The following SLC30A8 variants were observed in gnomAD, a reference collection of about 807,000 sequenced individuals.
The protein encoded by SLC30A8 is solute carrier family 30 member 8.
A neutral mutation model predicts 36.9 loss-of-function variants in SLC30A8; 27 were observed. The observed-to-expected ratio is 0.73, with a 90% CI of 0.54 to 1.01. SLC30A8 has a LOEUF of 1.01. SLC30A8 is among the 50% of genes least tolerant of loss of function. The probability of loss-of-function intolerance (pLI) is 0.00; values close to 1 mark genes in which losing one functional copy is unlikely to be tolerated. For missense variants in SLC30A8, 439 were observed against 452.0 expected (o/e 0.97, Z 0.26); for synonymous variants, 164 against 172.4 (o/e 0.95, Z 0.38).
chr8:116,991,864 G>T (rs548267417), intron 1 of SLC30A8, among the ~76,000 whole-genome samples: 82 of 152,230 alleles, frequency 5.4e-4, no homozygotes, highest in African/African-American at 1.8e-3. Context: ...CACTGCTAAT[G>T]CGGAAAAAGA....
At chr8:116,992,687 CCAAA>C (rs146825656) in intron 1 of SLC30A8, among the ~76,000 whole-genome samples, 8,203 of 152,042 alleles carry the variant, frequency 0.054, 715 homozygotes, top group African/African-American at 0.19. Context: ...AGTTCAGAAA[CCAAA>C]CAGAGAGAGG....
intron 2 of SLC30A8, among the ~76,000 whole-genome samples, chr8:117,115,401 CT>C (rs1820403931): frequency 1.3e-5 from 2 of 152,032 alleles, no homozygotes; most frequent in Non-Finnish European, 2.9e-5. Flanking sequence ...TTCTTTGTTC[CT>C]TTTTGGGGTA....
chr8:117,058,106 A>C (rs1452636297), intron 2 of SLC30A8, among the ~76,000 whole-genome samples: 1 of 152,058 alleles, frequency 6.6e-6, no homozygotes, highest in Non-Finnish European at 1.5e-5. Context: ...AAGATATCTC[A>C]TTGTGGTTTT....
intron 1 of SLC30A8, among the ~76,000 whole-genome samples, chr8:117,010,519 A>C (rs1053464588): frequency 6.6e-6 from 1 of 152,232 alleles, no homozygotes; most frequent in Non-Finnish European, 1.5e-5. Context: ...AACGGTCGAA[A>C]AGCATTGTTA....
chr8:117,122,283 GGT>G, intron 2 of SLC30A8, among the ~76,000 whole-genome samples: 1 of 151,986 alleles, frequency 6.6e-6, no homozygotes, highest in Non-Finnish European at 1.5e-5. Context: ...TTTAATAATA[GGT>G]GACATGTCTT....
At chr8:116,978,466 C>G (rs1815132661) in intron 1 of SLC30A8, among the ~76,000 whole-genome samples, 1 of 64,326 alleles carries the variant, frequency 1.6e-5, no homozygotes, top group Non-Finnish European at 3.2e-5. Context: ...TTTATATAGT[C>G]TTTTCTTGGC....
chr8:117,041,561 G>C (rs1365016701), intron 2 of SLC30A8, among the ~76,000 whole-genome samples: 1 of 152,048 alleles, frequency 6.6e-6, no homozygotes, highest in Non-Finnish European at 1.5e-5. Context: ...GTGGTGGTGG[G>C]CACCTGTAAT....
chr8:116,996,242 T>G (rs574810798), intron 1 of SLC30A8, among the ~76,000 whole-genome samples: 9 of 152,142 alleles, frequency 5.9e-5, no homozygotes, highest in Non-Finnish European at 1.2e-4. Flanking sequence ...TGTCCAAAGC[T>G]CTCTTCTTAT....
chr8:117,111,684 A>G (rs750825056), intron 2 of SLC30A8, among the ~76,000 whole-genome samples: 3 of 152,028 alleles, frequency 2.0e-5, no homozygotes, highest in Non-Finnish European at 4.4e-5. Context: ...CAAAGCTACT[A>G]CAATATAGGT....
intron 1 of SLC30A8, among the ~76,000 whole-genome samples, chr8:116,994,412 TGGAAA>T (rs1815748116): frequency 6.6e-6 from 1 of 151,960 alleles, no homozygotes; most frequent in African/African-American, 2.4e-5. Flanking sequence ...CAGTGTCAAA[TGGAAA>T]AACAAATTGT....
intron 2 of SLC30A8, among the ~76,000 whole-genome samples, chr8:117,067,711 T>G (rs1046963129): frequency 5.3e-5 from 8 of 152,338 alleles, no homozygotes; most frequent in Admixed American, 5.2e-4. Flanking sequence ...GGAGTAATCA[T>G]TTTTAACTTT....
chr8:117,139,617 C>A (rs1018984862), intron 1 of SLC30A8, among the ~76,000 whole-genome samples: 7 of 151,876 alleles, frequency 4.6e-5, no homozygotes, highest in Admixed American at 2.0e-4. Context: ...TTATTGAAAA[C>A]CATAGAGCAA....
intron 1 of SLC30A8, among the ~76,000 whole-genome samples, chr8:117,028,212 C>A (rs1471891100): frequency 6.6e-6 from 1 of 152,128 alleles, no homozygotes; most frequent in East Asian, 1.9e-4. Context: ...ATATCACAAT[C>A]ACTTATACTT....
intron 3 of SLC30A8, among the ~76,000 whole-genome samples, chr8:117,156,519 G>A (rs969584106): frequency 1.3e-5 from 2 of 152,202 alleles, no homozygotes; most frequent in East Asian, 1.9e-4. Flanking sequence ...GGCCATATAC[G>A]TCTGACACTT....
chr8:117,026,959 G>A (rs1250757281), intron 1 of SLC30A8, among the ~76,000 whole-genome samples: 5 of 151,984 alleles, frequency 3.3e-5, no homozygotes, highest in African/African-American at 4.8e-5. Context: ...TCCATGGTCC[G>A]GGCGCCACTA....
At chr8:117,107,558 C>T (rs1175951760) in intron 2 of SLC30A8, among the ~76,000 whole-genome samples, 5 of 152,108 alleles carry the variant, frequency 3.3e-5, no homozygotes, top group East Asian at 1.9e-4. Context: ...GGGAAGGAGA[C>T]GATACTATCT....
At chr8:116,956,224 C>T (rs1469294770) in intron 1 of SLC30A8, among the ~76,000 whole-genome samples, 5 of 152,078 alleles carry the variant, frequency 3.3e-5, no homozygotes, top group Non-Finnish European at 7.4e-5. Context: ...ATAAAGTGTG[C>T]TTTGAGTAAA....
At chr8:117,166,621 C>G (rs1224274848) in intron 6 of SLC30A8, among the ~76,000 whole-genome samples, 1 of 152,162 alleles carries the variant, frequency 6.6e-6, no homozygotes, top group African/African-American at 2.4e-5. Context: ...GACAACACTT[C>G]AGGAACCACT....
intron 2 of SLC30A8, among the ~76,000 whole-genome samples, chr8:117,090,056 T>C (rs1819044606): frequency 6.6e-6 from 1 of 152,076 alleles, no homozygotes; most frequent in Admixed American, 6.6e-5. Flanking sequence ...CACTGCAACC[T>C]CTGCCTCCCA....
Sources: allele counts gnomAD v4.1 joint callset (sites outside exome capture counted in the v4.1 genomes callset), GRCh38; gene constraint gnomAD v4.1.1; transcripts MANE v1.5; gene names NCBI Gene and HGNC (gene_info 2026-07-23, HGNC 2026-07-21).